The following DAB2IP variants were observed in gnomAD, a reference collection of about 807,000 sequenced individuals.
DAB2IP encodes disabled homolog 2-interacting protein.
A neutral mutation model predicts 107.2 loss-of-function variants in DAB2IP; 28 were observed. That is an observed-to-expected ratio of 0.26 (90% confidence interval 0.19 to 0.36). The LOEUF is 0.36. DAB2IP is among the 10% of genes least tolerant of loss of function. The pLI, the probability that DAB2IP is intolerant of heterozygous loss-of-function variation, is 1.00. For missense variants in DAB2IP, 1,400 were observed against 1,644.7 expected (o/e 0.85, Z 2.57); for synonymous variants, 755 against 706.4 (o/e 1.07, Z -1.09).
At chr9:121,710,507 C>G (rs1830287256) in intron 3 of DAB2IP, among the ~76,000 whole-genome samples, 1 of 152,130 alleles carries the variant, frequency 6.6e-6, no homozygotes, top group Non-Finnish European at 1.5e-5. Context: ...CCCCAGGGTT[C>G]TGGGCTCCCA....
At chr9:121,778,845 G>A (rs72770701) in intron 14 of DAB2IP, among the ~76,000 whole-genome samples, 11,833 of 150,452 alleles carry the variant, frequency 0.079, 621 homozygotes, top group Non-Finnish European at 0.12. Flanking sequence ...TGTACTTTAT[G>A]TATCTGTTTT....
chr9:121,753,214 T>C (rs1368723482), intron 3 of DAB2IP: 1 of 152,194 alleles, frequency 6.6e-6, no homozygotes, highest in South Asian at 2.1e-4. Context: ...CTGGCAGGGT[T>C]GTTGTAAGAA....
In DAB2IP at chr9:121,699,419, G is replaced by A; in HGVS notation, c.323G>A (p.Gly108Glu). Residue 108 changes from glycine to glutamate, a missense_variant, in exon 3 of 16, where the codon GGG becomes GAG. By Grantham distance (98) the Gly-to-Glu change is moderately conservative. This residue lies in a region of DAB2IP where 283 missense variants were observed against 237.0 expected (regional missense o/e 1.19). Coordinates refer to ENST00000408936, the Ensembl canonical transcript of DAB2IP. The surrounding 1 kb of genome is among the most constrained non-coding windows in gnomAD (Gnocchi z 6.2). Reference sequence around the variant, plus strand: ...CACAGCTTCCGCCACATCCTGCCGGGGTTCCGGAGCGCCGCCGCCGCCGCC... The same window carrying A: ...CACAGCTTCCGCCACATCCTGCCGGAGTTCCGGAGCGCCGCCGCCGCCGCC... 1 of 1,466,640 alleles carries A rather than the reference G, an allele frequency of 6.8e-7. No individual in the cohort carries two copies. Among genetic ancestry groups the A allele is most frequent in the South Asian group, 1.3e-5 (1 of 76,528 alleles). 90.9% of individuals were successfully genotyped at this position (1,466,640 alleles called of 1,614,324 possible).
intron 3 of DAB2IP, among the ~76,000 whole-genome samples, chr9:121,730,404 C>T (rs1831458803): frequency 6.6e-6 from 1 of 152,242 alleles, no homozygotes; most frequent in African/African-American, 2.4e-5. Flanking sequence ...CCTGCACTGC[C>T]AGGCTCACCA....
chr9:121,736,450 G>C lies in DAB2IP; in HGVS notation c.363-20563G>C, dbSNP rs928365338. Among the ~76,000 whole-genome samples the C allele has an allele frequency of 2.0e-5, 3 of 152,118 alleles. No individual in the cohort carries two copies. Among genetic ancestry groups the C allele is most frequent in the Admixed American group, 1.3e-4 (2 of 15,288 alleles). ...CCGGCGTGCCGAAGCGCAGCGGCGG[G>C]TCGCTAGCGGGAAGTGGCTGCAGCT... On this transcript the variant is annotated intron_variant, in intron 3 of 15. Coordinates refer to ENST00000408936, the Ensembl canonical transcript of DAB2IP. The surrounding 1 kb of genome is among the most constrained non-coding windows in gnomAD (Gnocchi z 4.6).
At chr9:121,583,261 C>T (rs1426317611) in intron 1 of DAB2IP, among the ~76,000 whole-genome samples, 1 of 152,066 alleles carries the variant, frequency 6.6e-6, no homozygotes, top group African/African-American at 2.4e-5. Flanking sequence ...TGGTGGCAGG[C>T]GTCTGTGGTG....
At position 121,743,032 on chromosome 9, in the gene DAB2IP, G is replaced by A. The variant is rs556548749; in HGVS notation, c.363-13981G>A. 1.1e-4 allele frequency: 107 copies of A among 974,472 alleles called. No individual in the cohort carries two copies. The South Asian group carries it at 4.6e-3, about 42-fold the overall frequency. The allele number at this position is 974,472 out of a possible 1,614,324, so 60.4% of individuals were successfully genotyped here. On this transcript the variant is annotated intron_variant, in intron 3 of 15. Transcript: ENST00000408936. ...GGTGGGATGGAGCAGTCAGGGCCTC[G>A]TGGAGGGAGCAGGTGGGAGGAATAC... is the stretch of plus-strand genomic sequence containing the variant.
At chr9:121,653,220 AC>A (rs1298557430) in intron 1 of DAB2IP, among the ~76,000 whole-genome samples, 3 of 120,248 alleles carry the variant, frequency 2.5e-5, no homozygotes, top group African/African-American at 8.8e-5. Context: ...TGGAGGGAGT[AC>A]TAAGCCTTTA....
chr9:121,580,540 G>A (rs574969885), intron 1 of DAB2IP, among the ~76,000 whole-genome samples: 1 of 152,258 alleles, frequency 6.6e-6, no homozygotes, highest in Admixed American at 6.5e-5. Context: ...ACGGAGGTTG[G>A]CCTGGTGGAT....
chr9:121,775,594 A>T (rs558751438), intron 13 of DAB2IP, among the ~76,000 whole-genome samples: 1 of 152,174 alleles, frequency 6.6e-6, no homozygotes, highest in African/African-American at 2.4e-5. Flanking sequence ...AGCCTCGTCC[A>T]CATCCCTGCT....
intron 3 of DAB2IP, among the ~76,000 whole-genome samples, chr9:121,728,163 T>C (rs1381911224): frequency 6.6e-6 from 1 of 152,124 alleles, no homozygotes; most frequent in Non-Finnish European, 1.5e-5. Context: ...CCCTGGGTTC[T>C]AGGCCCTTGT....
chr9:121,746,111 C>A (rs889814476), intron 3 of DAB2IP, among the ~76,000 whole-genome samples: 3 of 152,038 alleles, frequency 2.0e-5, no homozygotes, highest in Admixed American at 1.3e-4. Flanking sequence ...ATCTGCTGGG[C>A]AGAGTGAGAG....
intron 3 of DAB2IP, among the ~76,000 whole-genome samples, chr9:121,722,870 CA>C (rs1831018409): frequency 6.6e-6 from 1 of 151,982 alleles, no homozygotes; most frequent in East Asian, 1.9e-4. Context: ...CACTATAAAG[CA>C]AAAAGTAACA....
intron 1 of DAB2IP, among the ~76,000 whole-genome samples, chr9:121,623,677 GTTGTTTTGTT>G (rs377327268): frequency 2.6e-3 from 392 of 151,824 alleles, no homozygotes; most frequent in African/African-American, 7.5e-3. Flanking sequence ...CAGGGTTAAG[GTTGTTTTGTT>G]TTGTTTTGTT....
exon 11 of DAB2IP, chr9:121,770,695 G>C: frequency 6.2e-7 from 1 of 1,614,182 alleles, no homozygotes; most frequent in Non-Finnish European, 8.5e-7. Context: ...CTGGGCTGCA[G>C]AAGATGGTGA....
intron 1 of DAB2IP, among the ~76,000 whole-genome samples, chr9:121,673,764 T>C (rs1833777393): frequency 6.6e-6 from 1 of 152,008 alleles, no homozygotes; most frequent in Non-Finnish European, 1.5e-5. Flanking sequence ...GTGTGGGGTG[T>C]CAGGTCAGGA....
In DAB2IP at chr9:121,684,570, C is replaced by T. The variant is rs1188607503; in HGVS notation, c.228+5789C>T. ...CCCCTCCTGGCCACCAGGCCCCAGC[C>T]CCAGCTGTAGAGGGACCCGAAGTTT... On this transcript the variant is annotated intron_variant, in intron 2 of 15. Coordinates refer to ENST00000408936, the Ensembl canonical transcript of DAB2IP. This position sits in a 1 kb window ranked among gnomAD's most constrained non-coding sequence, Gnocchi z 4.0. Among the ~76,000 whole-genome samples, 1 of 152,236 alleles carries T rather than the reference C, an allele frequency of 6.6e-6. No individual in the cohort carries two copies. The highest frequency in any genetic ancestry group is 2.4e-5 in the African/African-American group (1 of 41,464).
At chr9:121,756,234 G>A (rs947459169) in intron 3 of DAB2IP, among the ~76,000 whole-genome samples, 1 of 152,226 alleles carries the variant, frequency 6.6e-6, no homozygotes, top group Non-Finnish European at 1.5e-5. Flanking sequence ...TGAGGAAACA[G>A]GCTCAGAGGA....
chr9:121,783,855 G>A (rs1410991994), exon 16 of DAB2IP: 2 of 466,284 alleles, frequency 4.3e-6, no homozygotes, highest in Non-Finnish European at 7.8e-6. Flanking sequence ...AGGAGCTTGG[G>A]TCTCTCTCGG....
Sources: allele counts gnomAD v4.1 joint callset (sites outside exome capture counted in the v4.1 genomes callset), GRCh38; gene constraint gnomAD v4.1.1; regional missense constraint gnomAD v4.1.1; non-coding constraint Gnocchi (gnomAD v3.1); transcripts MANE v1.5; gene names NCBI Gene and HGNC (gene_info 2026-07-23, HGNC 2026-07-21).